MBP: variants seen among roughly 807,000 people sequenced by gnomAD.
The protein encoded by MBP is myelin basic protein.
Under a neutral mutation model 35.8 loss-of-function variants are expected in MBP, and 16 were observed. That is an observed-to-expected ratio of 0.45 (90% CI 0.30 to 0.68). The LOEUF (loss-of-function observed/expected upper bound fraction) is 0.68. Among genes scored for constraint, MBP ranks in the 30% least tolerant of loss-of-function variants. The probability of loss-of-function intolerance (pLI) is 0.08; values close to 1 mark genes in which losing one functional copy is unlikely to be tolerated. For synonymous variants in MBP, 143 were observed against 159.6 expected (o/e 0.90, Z 0.78); for missense variants, 380 against 404.7 (o/e 0.94, Z 0.52).
intron 2 of MBP, among the ~76,000 whole-genome samples, chr18:77,084,413 C>CA (rs1332271399): frequency 4.3e-5 from 2 of 46,230 alleles, no homozygotes; most frequent in East Asian, 1.7e-3. Flanking sequence ...ACAACACCGC[C>CA]CCCCCCGCCA....
chr18:77,055,881 T>C (rs1450847508), intron 3 of MBP, among the ~76,000 whole-genome samples: 1 of 152,234 alleles, frequency 6.6e-6, no homozygotes, highest in African/African-American at 2.4e-5. Flanking sequence ...ACTCAGTGGT[T>C]CTAGAAACTT....
intron 3 of MBP, among the ~76,000 whole-genome samples, chr18:77,062,722 A>T (rs2144779502): frequency 6.6e-6 from 1 of 152,282 alleles, no homozygotes; most frequent in East Asian, 1.9e-4. Flanking sequence ...TGTGGTTTTG[A>T]GCACTCAATG....
In MBP at chr18:77,103,283, T is replaced by G. The variant is rs192741697; in HGVS notation, c.51+1928A>C. ...CACTACAGACCTCAGCGAAGAGGTC[T>G]GGAGACTGAAATTCAATTCCGTTCA... On this transcript the variant is annotated intron_variant, in intron 2 of 8. Coordinates refer to ENST00000355994, the MANE Select transcript of MBP (RefSeq NM_001025101.2). 4.6e-3 allele frequency among the ~76,000 whole-genome samples: 705 copies of G among 152,330 alleles called. 4 individuals are homozygous for G. The highest frequency in any genetic ancestry group is 0.037 in the Middle Eastern group (11 of 294).
chr18:77,066,925 G>C (rs1002089646), intron 2 of MBP, among the ~76,000 whole-genome samples: 1 of 152,220 alleles, frequency 6.6e-6, no homozygotes, highest in Non-Finnish European at 1.5e-5. Flanking sequence ...CAGGCCCCCT[G>C]GCCACTCCTC....
At chr18:77,056,682 C>T (rs1440131142) in intron 3 of MBP, among the ~76,000 whole-genome samples, 1 of 152,164 alleles carries the variant, frequency 6.6e-6, no homozygotes, top group Admixed American at 6.5e-5. Context: ...GAGTTCAGCT[C>T]GCTCTCTCCT....
At chr18:77,113,302 C>T (rs1976537836) in intron 1 of MBP, 2 of 152,398 alleles carry the variant, frequency 1.3e-5, no homozygotes, top group Admixed American at 6.5e-5. Context: ...CACCACATGA[C>T]AATGGAGGCA....
rs1969789154 is a variant in MBP at position 76,989,821 on chromosome 18, C to T, written c.681+135G>A. The T allele has an allele frequency of 1.4e-6, 1 of 699,750 alleles. No individual in the cohort carries two copies. Among genetic ancestry groups the T allele is most frequent in the African/African-American group, 1.8e-5 (1 of 56,168 alleles). 43.3% of individuals were successfully genotyped at this position (699,750 alleles called of 1,614,324 possible). On this transcript the variant is annotated intron_variant, in intron 5 of 8. Transcript: ENST00000355994. This position sits in a 1 kb window ranked among gnomAD's most constrained non-coding sequence, Gnocchi z 4.0. ...CGCGATCAGGTGCGAGGGGGGAGTT[C>T]CCCGGCCGGCCTCACCCTGATGATG...
At chr18:77,118,612 C>CCACACA (rs71174609) in intron 1 of MBP, among the ~76,000 whole-genome samples, 4,433 of 134,122 alleles carry the variant, frequency 0.033, 101 homozygotes, top group South Asian at 0.036. Flanking sequence ...TCCACAGACA[C>CCACACA]CACACACACA....
intron 2 of MBP, among the ~76,000 whole-genome samples, chr18:77,088,593 TA>T (rs1181757923): frequency 6.6e-6 from 1 of 152,266 alleles, no homozygotes; most frequent in Non-Finnish European, 1.5e-5. Context: ...AGAGATATTG[TA>T]AATCATTAGC....
At chr18:77,098,173 T>TTTTTTTTTTTTTTTTTTA (rs1975843908) in intron 2 of MBP, among the ~76,000 whole-genome samples, 1 of 148,356 alleles carries the variant, frequency 6.7e-6, no homozygotes, top group Non-Finnish European at 1.5e-5. Flanking sequence ...ACTTCCTTTT[T>TTTTTTTTTTTTTTTTTTA]TTTTTTTTTT....
chr18:77,102,485 G>C lies in MBP; in HGVS notation c.51+2726C>G, dbSNP rs1452933772. 6.6e-6 allele frequency among the ~76,000 whole-genome samples: 1 copy of C among 152,030 alleles called. No individual in the cohort carries two copies. Among genetic ancestry groups the C allele is most frequent in the Non-Finnish European group, 1.5e-5 (1 of 68,010 alleles). ...AAGGGCACAAAATATTTCCCATCAA[G>C]TTTAAAGGAAAGAAAAAAAAGCTCT... On this transcript the variant is annotated intron_variant, in intron 2 of 8. Transcript: ENST00000355994. The surrounding 1 kb of genome is among the most constrained non-coding windows in gnomAD (Gnocchi z 4.4).
rs17060250 is a variant in MBP at position 77,020,465 on chromosome 18, G to A, written c.140-3197C>T. On this transcript the variant is annotated intron_variant, in intron 3 of 8. Coordinates refer to ENST00000355994, the MANE Select transcript of MBP (RefSeq NM_001025101.2). This position sits in a 1 kb window ranked among gnomAD's most constrained non-coding sequence, Gnocchi z 4.1. ...TCCCTGACTTGCTAGGAGAGCTCCC[G>A]GGACTTAGGATATGGTCCTGTCACT... 0.032 allele frequency among the ~76,000 whole-genome samples: 4,813 copies of A among 152,206 alleles called. 255 individuals carry two copies. Among genetic ancestry groups the A allele is most frequent in the African/African-American group, 0.11 (4,532 of 41,492 alleles).
intron 7 of MBP, chr18:76,985,330 C>G (rs866607366): frequency 7.0e-6 from 9 of 1,290,238 alleles, no homozygotes; most frequent in Middle Eastern, 4.8e-4. Flanking sequence ...AGGTGCCGGT[C>G]CCCGGAGGCC....
chr18:77,065,911 G>A (rs1974174904), intron 3 of MBP: 1 of 182,580 alleles, frequency 5.5e-6, no homozygotes, highest in African/African-American at 2.4e-5. Context: ...AGCCTGGAGT[G>A]CAGTGGAGCA....
intron 3 of MBP, among the ~76,000 whole-genome samples, chr18:77,063,816 T>C (rs1974081103): frequency 6.6e-6 from 1 of 152,210 alleles, no homozygotes. Flanking sequence ...TGATATCATC[T>C]TGATAGCGTA....
intron 3 of MBP, among the ~76,000 whole-genome samples, chr18:77,028,505 G>GT (rs1972335545): frequency 9.8e-6 from 1 of 102,306 alleles, no homozygotes; most frequent in African/African-American, 2.8e-5. Flanking sequence ...GAGCTGTTGG[G>GT]TACACCTCCC....
chr18:77,074,739 C>T (rs1029125793), intron 2 of MBP, among the ~76,000 whole-genome samples: 1 of 152,202 alleles, frequency 6.6e-6, no homozygotes, highest in African/African-American at 2.4e-5. Flanking sequence ...CTGCATTCCT[C>T]AACCTCAGTT....
At chr18:77,060,570 C>T (rs1017953674) in intron 3 of MBP, among the ~76,000 whole-genome samples, 1 of 151,380 alleles carries the variant, frequency 6.6e-6, no homozygotes, top group African/African-American at 2.4e-5. Flanking sequence ...TCTGCCTCAG[C>T]CTTCCAAGTA....
Position 77,131,942 on chromosome 18 carries a change from C to T in MBP, c.-26+638G>A, listed in dbSNP as rs997071782. ...GCCCTGCGAAGGCGGAAGCCCGGACCCGGGCTCTCCTGGCCGCCCCTGGAG... is the reference window on the plus strand; with the variant it reads ...GCCCTGCGAAGGCGGAAGCCCGGACTCGGGCTCTCCTGGCCGCCCCTGGAG... On this transcript the variant is annotated intron_variant, in intron 1 of 8. Coordinates refer to ENST00000355994, the MANE Select transcript of MBP (RefSeq NM_001025101.2). This position sits in a 1 kb window ranked among gnomAD's most constrained non-coding sequence, Gnocchi z 5.5. Among the ~76,000 whole-genome samples, 2 of 152,110 alleles carry T rather than the reference C, an allele frequency of 1.3e-5. No individual in the cohort carries two copies. The highest frequency in any genetic ancestry group is 2.1e-4 in the South Asian group (1 of 4,836).
Sources: gnomAD v4.1 joint callset for allele counts (sites outside exome capture counted in the v4.1 genomes callset) on GRCh38, gnomAD v4.1.1 for gene constraint, Gnocchi (gnomAD v3.1) non-coding constraint, MANE v1.5 for transcripts, NCBI Gene and HGNC (gene_info 2026-07-23, HGNC 2026-07-21) for gene names.